ARHGAP24: variants seen among roughly 807,000 people sequenced by gnomAD.
ARHGAP24 encodes the protein Rho GTPase activating protein 24, also known as rho GTPase-activating protein 24.
ARHGAP24 carries 50 observed loss-of-function variants against 76.4 expected under a neutral mutation model. That is an observed-to-expected ratio of 0.65 (90% CI 0.52 to 0.83). The LOEUF (loss-of-function observed/expected upper bound fraction) is 0.83. Among genes scored for constraint, ARHGAP24 ranks in the 40% least tolerant of loss-of-function variants. The pLI, the probability that ARHGAP24 is intolerant of heterozygous loss-of-function variation, is 0.00. For synonymous variants in ARHGAP24, 345 were observed against 323.3 expected (o/e 1.07, Z -0.72); for missense variants, 930 against 914.2 (o/e 1.02, Z -0.22).
chr4:85,579,572 G>A (rs10021036), intron 2 of ARHGAP24, among the ~76,000 whole-genome samples: 2,543 of 143,994 alleles, frequency 0.018, 75 homozygotes, highest in African/African-American at 0.058. Context: ...GCTGCTTCTC[G>A]TTTTTTAGAG....
At chr4:85,749,283 G>A (rs2110065503) in intron 3 of ARHGAP24, among the ~76,000 whole-genome samples, 1 of 152,312 alleles carries the variant, frequency 6.6e-6, no homozygotes, top group African/African-American at 2.4e-5. Context: ...CTTAGTTGTT[G>A]ATTGGAATTC....
At chr4:85,770,635 C>A (rs1201653296) in intron 3 of ARHGAP24, among the ~76,000 whole-genome samples, 1 of 152,156 alleles carries the variant, frequency 6.6e-6, no homozygotes, top group Non-Finnish European at 1.5e-5. Context: ...TCTGAAAGAA[C>A]CTTCAGAGTA....
intron 3 of ARHGAP24, among the ~76,000 whole-genome samples, chr4:85,846,248 T>C (rs1730874522): frequency 6.6e-6 from 1 of 152,128 alleles, no homozygotes; most frequent in Non-Finnish European, 1.5e-5. Context: ...ATTATGTTAT[T>C]TTCATGGGGT....
chr4:85,948,258 A>C (rs1737403823), intron 5 of ARHGAP24, among the ~76,000 whole-genome samples: 1 of 152,178 alleles, frequency 6.6e-6, no homozygotes, highest in South Asian at 2.1e-4. Flanking sequence ...TTTAGTACCA[A>C]AATTAGCAAG....
chr4:85,505,653 T>C (rs954232076), intron 1 of ARHGAP24, among the ~76,000 whole-genome samples: 5 of 151,970 alleles, frequency 3.3e-5, no homozygotes, highest in African/African-American at 9.7e-5. Context: ...TAGCTTCTGC[T>C]TGTGATGGGT....
At chr4:85,546,852 G>A (rs7679025) in intron 1 of ARHGAP24, among the ~76,000 whole-genome samples, 18,555 of 152,068 alleles carry the variant, frequency 0.12, 3,223 homozygotes, top group African/African-American at 0.38. Flanking sequence ...GAACTTCTGA[G>A]CACCCTTCAC....
chr4:85,611,143 C>G (rs1225840780), intron 2 of ARHGAP24, among the ~76,000 whole-genome samples: 2 of 152,008 alleles, frequency 1.3e-5, no homozygotes. Context: ...TAATATGAAA[C>G]AAGTTATAAT....
chr4:85,905,379 A>T (rs1036727931), intron 3 of ARHGAP24, among the ~76,000 whole-genome samples: 1 of 96,060 alleles, frequency 1.0e-5, no homozygotes, highest in Non-Finnish European at 2.0e-5. Flanking sequence ...TTCAGAAAAG[A>T]CAGTCTGTTT....
intron 3 of ARHGAP24, among the ~76,000 whole-genome samples, chr4:85,852,465 C>T (rs1341303637): frequency 6.6e-6 from 1 of 152,194 alleles, no homozygotes; most frequent in African/African-American, 2.4e-5. Flanking sequence ...TCGTCAAAGT[C>T]ATTCTCCATC....
intron 3 of ARHGAP24, among the ~76,000 whole-genome samples, chr4:85,896,489 TG>T (rs1734186323): frequency 1.3e-5 from 2 of 152,232 alleles, no homozygotes; most frequent in Non-Finnish European, 2.9e-5. Flanking sequence ...AGAATTTCTT[TG>T]TAGAAGTGGC....
intron 2 of ARHGAP24, among the ~76,000 whole-genome samples, chr4:85,607,491 AT>A (rs1013552835): frequency 6.6e-6 from 1 of 152,014 alleles, no homozygotes; most frequent in African/African-American, 2.4e-5. Context: ...CACTAAAAAA[AT>A]ATCATGCAGG....
intron 3 of ARHGAP24, among the ~76,000 whole-genome samples, chr4:85,874,955 A>T (rs1448404317): frequency 2.5e-5 from 3 of 120,950 alleles, no homozygotes; most frequent in African/African-American, 3.3e-5. Flanking sequence ...TTTTTATATA[A>T]TTTATATATA....
intron 2 of ARHGAP24, among the ~76,000 whole-genome samples, chr4:85,583,812 AT>A (rs985013048): frequency 4.0e-5 from 6 of 151,362 alleles, no homozygotes; most frequent in African/African-American, 7.3e-5. Context: ...AAAAGAAGAC[AT>A]TTATGCAGCC....
intron 3 of ARHGAP24, among the ~76,000 whole-genome samples, chr4:85,907,831 T>A (rs746214855): frequency 3.3e-5 from 5 of 152,188 alleles, no homozygotes; most frequent in Non-Finnish European, 5.9e-5. Flanking sequence ...AATGATGCCT[T>A]GCTGCTACTC....
intron 1 of ARHGAP24, among the ~76,000 whole-genome samples, chr4:85,564,556 A>T (rs192735069): frequency 2.2e-4 from 33 of 149,650 alleles, no homozygotes; most frequent in Admixed American, 3.3e-4. Flanking sequence ...AAAAAAAATT[A>T]AAAAAAAAAG....
intron 2 of ARHGAP24, among the ~76,000 whole-genome samples, chr4:85,643,234 G>GGTTTTTTTTTTTTT (rs1721592118): frequency 1.8e-5 from 1 of 54,610 alleles, no homozygotes; most frequent in African/African-American, 5.9e-5. Flanking sequence ...GTTTTTTTGT[G>GGTTTTTTTTTTTTT]TTTTTTTTTT....
At chr4:85,512,365 G>A (rs1724319149) in intron 1 of ARHGAP24, among the ~76,000 whole-genome samples, 1 of 152,168 alleles carries the variant, frequency 6.6e-6, no homozygotes. Context: ...TATTATTTAG[G>A]TTGTTATTTT....
intron 2 of ARHGAP24, among the ~76,000 whole-genome samples, chr4:85,713,161 G>A (rs1227625675): frequency 6.6e-6 from 1 of 152,014 alleles, no homozygotes; most frequent in African/African-American, 2.4e-5. Context: ...AGCCAGGCGT[G>A]GTGGCATGCA....
intron 3 of ARHGAP24, among the ~76,000 whole-genome samples, chr4:85,913,591 A>T (rs1578380649): frequency 6.6e-6 from 1 of 151,828 alleles, no homozygotes; most frequent in African/African-American, 2.4e-5. Flanking sequence ...TTTGGTCTAG[A>T]CCTCTCCCGT....
Sources: allele counts gnomAD v4.1 joint callset (sites outside exome capture counted in the v4.1 genomes callset), GRCh38; gene constraint gnomAD v4.1.1; transcripts MANE v1.5; gene names NCBI Gene and HGNC (gene_info 2026-07-23, HGNC 2026-07-21).